NAT1: variants seen among roughly 807,000 people sequenced by gnomAD.
The protein encoded by NAT1 is arylamine N-acetyltransferase 1.
For synonymous variants in NAT1, 144 were observed against 122.6 expected (o/e 1.17, Z -1.16); for missense variants, 400 against 339.2 (o/e 1.18, Z -1.41).
intron 1 of NAT1, among the ~76,000 whole-genome samples, chr8:18,218,689 T>C (rs1804951909): frequency 6.6e-6 from 1 of 152,104 alleles, no homozygotes; most frequent in Non-Finnish European, 1.5e-5. Flanking sequence ...GGGCAAAATA[T>C]GGGGGAGGCA....
At chr8:18,218,919 T>C (rs937009994) in intron 1 of NAT1, among the ~76,000 whole-genome samples, 13 of 152,208 alleles carry the variant, frequency 8.5e-5, no homozygotes, top group Non-Finnish European at 1.6e-4. Context: ...TGTATATAGA[T>C]GGTCCTTGTT....
intron 2 of NAT1, among the ~76,000 whole-genome samples, chr8:18,219,977 T>C (rs1805113440): frequency 6.6e-6 from 1 of 152,208 alleles, no homozygotes; most frequent in South Asian, 2.1e-4. Context: ...TATAAAGTAA[T>C]TTCTTAAAAG....
At position 18,196,112 on chromosome 8, in the gene NAT1, A is replaced by C. The variant is rs535398200; in HGVS notation, n.93-13669A>C. 6.4e-4 allele frequency among the ~76,000 whole-genome samples: 97 copies of C among 151,954 alleles called. 1 individual carries two copies. Among genetic ancestry groups the C allele is most frequent in the Middle Eastern group, 3.4e-3 (1 of 294 alleles). On this transcript the variant is annotated intron_variant and non_coding_transcript_variant, in intron 2 of 4. Coordinates refer to the NAT1 transcript ENST00000517441. ...ATTTCAAAACATTACACTTTATACA[A>C]CTTTTATTTTTTTTTTTAATAGAGA...
chr8:18,209,019 C>A (rs1210683362), upstream of NAT1, among the ~76,000 whole-genome samples: 2 of 152,214 alleles, frequency 1.3e-5, no homozygotes, highest in African/African-American at 4.8e-5. Context: ...ATAAAGGGTG[C>A]ATCATTGGCA....
upstream of NAT1, among the ~76,000 whole-genome samples, chr8:18,205,746 C>T (rs899985023): frequency 2.6e-5 from 4 of 152,152 alleles, no homozygotes; most frequent in Admixed American, 6.5e-5. Context: ...CAGGCTGGTG[C>T]GTAGGCATGG....
chr8:18,212,390 G>T (rs1804196255), intron 1 of NAT1: 1 of 152,144 alleles, frequency 6.6e-6, no homozygotes, highest in African/African-American at 2.4e-5. Context: ...CTTTTACACA[G>T]CTCTCCAAAA....
chr8:18,221,538 T>C (rs1473555281), intron 2 of NAT1, among the ~76,000 whole-genome samples: 4 of 152,172 alleles, frequency 2.6e-5, no homozygotes, highest in Admixed American at 2.6e-4. Context: ...ATTATAGCTA[T>C]TCAGTGAACT....
At chr8:18,207,451 A>G (rs894994182), upstream of NAT1, among the ~76,000 whole-genome samples, 2 of 152,172 alleles carry the variant, frequency 1.3e-5, no homozygotes, top group African/African-American at 4.8e-5. Flanking sequence ...TGAGAATAGC[A>G]TAGAAATTAT....
chr8:18,175,794 T>C (rs1802273538), intron 2 of NAT1, among the ~76,000 whole-genome samples: 2 of 152,242 alleles, frequency 1.3e-5, no homozygotes, highest in South Asian at 4.1e-4. Flanking sequence ...CTTCATACTT[T>C]TTCCCAAAAT....
chr8:18,179,970 G>A lies in NAT1; in HGVS notation n.92+9231G>A, dbSNP rs117733044. Among the ~76,000 whole-genome samples, 980 of 152,248 alleles carry A rather than the reference G, an allele frequency of 6.4e-3. 5 individuals are homozygous for A. The highest frequency in any genetic ancestry group is 8.0e-3 in the Non-Finnish European group (544 of 67,998). ...TGTCATAAGGCAACAATAACTAATG[G>A]CCCAAATTACAGACTAGGCAGAGCC... On this transcript the variant is annotated intron_variant and non_coding_transcript_variant, in intron 2 of 4. Transcript: ENST00000517441.
chr8:18,197,504 C>G (rs1803284762), intron 2 of NAT1, among the ~76,000 whole-genome samples: 1 of 152,068 alleles, frequency 6.6e-6, no homozygotes, highest in South Asian at 2.1e-4. Context: ...GTGGGTGAGA[C>G]CAGGGATACT....
chr8:18,192,367 T>C (rs533529273), intron 2 of NAT1, among the ~76,000 whole-genome samples: 3 of 152,148 alleles, frequency 2.0e-5, no homozygotes, highest in East Asian at 1.9e-4. Context: ...TGGGGAGAAA[T>C]AGGAACACTT....
intron 2 of NAT1, among the ~76,000 whole-genome samples, chr8:18,199,159 C>G (rs1464949157): frequency 1.3e-5 from 2 of 151,634 alleles, no homozygotes; most frequent in Admixed American, 6.6e-5. Context: ...ACTAAAAATA[C>G]AAACATTAGC....
chr8:18,177,058 G>C (rs1172453095), intron 2 of NAT1, among the ~76,000 whole-genome samples: 7 of 152,046 alleles, frequency 4.6e-5, no homozygotes, highest in African/African-American at 1.7e-4. Context: ...TTTGCATGTT[G>C]ATTTTATAAC....
chr8:18,173,717 T>G (rs556049839), intron 2 of NAT1, among the ~76,000 whole-genome samples: 83 of 152,164 alleles, frequency 5.5e-4, no homozygotes, highest in Non-Finnish European at 1.1e-3. Context: ...ATGTACCTCA[T>G]AGATTTGTTG....
At chr8:18,216,280 A>G (rs894773990) in intron 1 of NAT1, among the ~76,000 whole-genome samples, 5 of 152,158 alleles carry the variant, frequency 3.3e-5, no homozygotes, top group Non-Finnish European at 5.9e-5. Flanking sequence ...CAGCGCTGAT[A>G]CTTGCTGCCC....
intron 2 of NAT1, among the ~76,000 whole-genome samples, chr8:18,185,630 T>C (rs1284545069): frequency 2.0e-5 from 3 of 152,146 alleles, no homozygotes; most frequent in Non-Finnish European, 1.5e-5. Context: ...TGTTTTCTTT[T>C]TCATAATTTC....
chr8:18,187,464 C>G (rs1293207347), intron 2 of NAT1, among the ~76,000 whole-genome samples: 1 of 152,156 alleles, frequency 6.6e-6, no homozygotes, highest in Non-Finnish European at 1.5e-5. Flanking sequence ...CCATCAATGG[C>G]GGACTGGCTT....
chr8:18,219,529 A>G, intron 2 of NAT1, 40 bp downstream of exon 2: 1 of 1,159,040 alleles, frequency 8.6e-7, no homozygotes, highest in South Asian at 1.4e-5. Flanking sequence ...TGGGCTTCCT[A>G]AGCACGTTCA....
Sources: allele counts gnomAD v4.1 joint callset (sites outside exome capture counted in the v4.1 genomes callset), GRCh38; gene constraint gnomAD v4.1.1; transcripts MANE v1.5; gene names NCBI Gene and HGNC (gene_info 2026-07-23, HGNC 2026-07-21).